DLGAP2: variants seen among roughly 807,000 people sequenced by gnomAD.
DLGAP2 encodes the protein disks large-associated protein 2.
A neutral mutation model predicts 100.3 loss-of-function variants in DLGAP2; 26 were observed. The ratio of observed to expected loss-of-function variants is 0.26; its 90% confidence interval spans 0.19 to 0.36. The LOEUF (loss-of-function observed/expected upper bound fraction) is 0.36. Among genes scored for constraint, DLGAP2 ranks in the 10% least tolerant of loss-of-function variants. The pLI is 1.00. For missense variants in DLGAP2, 1,858 were observed against 1,453.2 expected, an observed-to-expected ratio of 1.28 and a Z score of -4.53; for synonymous variants, 886 against 630.1, an observed-to-expected ratio of 1.41 and a Z score of -6.08.
At chr8:1,071,905 T>C (rs2129037488) in intron 2 of DLGAP2, among the ~76,000 whole-genome samples, 1 of 152,102 alleles carries the variant, frequency 6.6e-6, no homozygotes, top group East Asian at 1.9e-4. Context: ...GGCCTGTGAG[T>C]TTAGGGAACT....
chr8:1,626,791 C>T lies in DLGAP2; in HGVS notation c.1494C>T (p.Asp498=). The part of the protein sequence containing the change: ...ASDVPVGHSL[D]PAANYNSPKF... Reference sequence around the variant, plus strand: ...ATGTGCCTGTGGGACACAGCCTGGACCCCGCTGCGAACTACAACTCCCCGA... The same window carrying T: ...ATGTGCCTGTGGGACACAGCCTGGATCCCGCTGCGAACTACAACTCCCCGA... Residue 498 remains aspartate (D), a synonymous_variant, in exon 7 of 15, where the codon GAC becomes GAT. Transcript: ENST00000637795. The T allele has an allele frequency of 6.2e-7, 1 of 1,603,622 alleles. No homozygotes were observed. Among genetic ancestry groups the T allele is most frequent in the South Asian group, 1.1e-5 (1 of 88,246 alleles).
chr8:1,312,064 C>G (rs1800626136), intron 3 of DLGAP2, among the ~76,000 whole-genome samples: 2 of 152,196 alleles, frequency 1.3e-5, no homozygotes, highest in South Asian at 4.1e-4. Context: ...CTGAATCTGA[C>G]ATCTGTAGGC....
intron 2 of DLGAP2, among the ~76,000 whole-genome samples, chr8:1,030,349 A>G (rs886324874): frequency 6.6e-6 from 1 of 152,092 alleles, no homozygotes; most frequent in Non-Finnish European, 1.5e-5. Flanking sequence ...ATTTTTTTCA[A>G]ATACAGTTCT....
At chr8:1,000,857 G>T (rs542407407) in intron 2 of DLGAP2, among the ~76,000 whole-genome samples, 6 of 152,106 alleles carry the variant, frequency 3.9e-5, no homozygotes, top group East Asian at 1.9e-4. Flanking sequence ...GGACAGGTGT[G>T]GGGGGAGAGG....
chr8:1,478,706 C>A (rs1383962474), intron 3 of DLGAP2, among the ~76,000 whole-genome samples: 1 of 152,152 alleles, frequency 6.6e-6, no homozygotes, highest in Non-Finnish European at 1.5e-5. Flanking sequence ...TAGACCTGGT[C>A]CGGGACATGG....
At chr8:1,231,108 A>G (rs1798525707) in intron 2 of DLGAP2, among the ~76,000 whole-genome samples, 1 of 152,178 alleles carries the variant, frequency 6.6e-6, no homozygotes, top group South Asian at 2.1e-4. Context: ...CTATGGTCTA[A>G]TACACAGAAT....
chr8:824,593 C>T (rs1296116537), intron 1 of DLGAP2, among the ~76,000 whole-genome samples: 1 of 151,952 alleles, frequency 6.6e-6, no homozygotes, highest in African/African-American at 2.4e-5. Context: ...TGGCCCCAGT[C>T]CTGGCTCCGG....
In DLGAP2 at chr8:1,702,916, C is replaced by G. The variant is rs1799612629; in HGVS notation, c.*1510C>G. The G allele has an allele frequency of 6.6e-6, 1 of 152,660 alleles. No homozygotes were observed. Among genetic ancestry groups the G allele is most frequent in the African/African-American group, 2.4e-5 (1 of 41,454 alleles). The allele number at this position is 152,660 out of a possible 1,614,324, so 9.5% of individuals were successfully genotyped here. A position where few individuals can be genotyped will look rare whatever the true frequency, so the allele number is the denominator to read the frequency against. ...GGCTTAAGGAGTACCATGTACTTAG[C>G]CACAGGCAGAATAGCTTTCGATGAC... On this transcript the variant is annotated 3_prime_UTR_variant, in exon 15 of 15. Transcript: ENST00000637795.
At chr8:1,434,429 C>G (rs142409936) in intron 3 of DLGAP2, among the ~76,000 whole-genome samples, 253 of 152,226 alleles carry the variant, frequency 1.7e-3, no homozygotes, top group African/African-American at 5.7e-3. Flanking sequence ...TCCTGCCACA[C>G]CCACCACTGG....
At chr8:926,592 G>T (rs958181035) in intron 2 of DLGAP2, among the ~76,000 whole-genome samples, 7 of 152,258 alleles carry the variant, frequency 4.6e-5, no homozygotes, top group African/African-American at 1.7e-4. Context: ...TGGGAGGAGA[G>T]CGGCAGGTTT....
At chr8:1,538,821 G>T (rs1410158071) in intron 4 of DLGAP2, among the ~76,000 whole-genome samples, 2 of 151,474 alleles carry the variant, frequency 1.3e-5, no homozygotes, top group Non-Finnish European at 2.9e-5. Context: ...TGAATCATCA[G>T]CACAGCACCC....
At chr8:1,426,512 G>C (rs573530873) in intron 3 of DLGAP2, among the ~76,000 whole-genome samples, 2 of 152,284 alleles carry the variant, frequency 1.3e-5, no homozygotes, top group East Asian at 3.9e-4. Flanking sequence ...TGTATCCAGG[G>C]AACAGTGGCT....
chr8:1,564,912 T>C (rs1802335699), intron 5 of DLGAP2, among the ~76,000 whole-genome samples: 1 of 151,986 alleles, frequency 6.6e-6, no homozygotes, highest in African/African-American at 2.4e-5. Flanking sequence ...GGCAGACATA[T>C]AACATGCGTG....
chr8:1,525,550 A>C (rs1800766076), intron 4 of DLGAP2, among the ~76,000 whole-genome samples: 1 of 152,254 alleles, frequency 6.6e-6, no homozygotes, highest in South Asian at 2.1e-4. Flanking sequence ...CTCAGGACTT[A>C]CACAGCAGAA....
chr8:779,459 C>T (rs996349735), intron 1 of DLGAP2, among the ~76,000 whole-genome samples: 1 of 138,322 alleles, frequency 7.2e-6, no homozygotes, highest in East Asian at 3.3e-4. Flanking sequence ...CTTTTCCCTT[C>T]TTTCTTTCTT....
intron 2 of DLGAP2, among the ~76,000 whole-genome samples, chr8:1,162,846 G>C (rs1796918129): frequency 6.6e-6 from 1 of 152,208 alleles, no homozygotes. Flanking sequence ...TGCTGCTGTG[G>C]GCAGATGCTA....
intron 1 of DLGAP2, among the ~76,000 whole-genome samples, chr8:904,492 C>T (rs140134190): frequency 5.9e-5 from 9 of 152,292 alleles, no homozygotes; most frequent in Non-Finnish European, 1.3e-4. Flanking sequence ...TGCACTCCAG[C>T]CTGGGCGATA....
chr8:1,691,646 A>AC lies in DLGAP2; in HGVS notation c.2796+24dup. On this transcript the variant is annotated intron_variant, in intron 13 of 14. Transcript: ENST00000637795. ...AATATGGTAAGTGAATCCTCAGTGA[A>AC]CCCCTGTTCCCTGTAACCAAGCTAA... The AC allele has an allele frequency of 6.3e-7, 1 of 1,596,684 alleles. No individual in the cohort carries two copies. Among genetic ancestry groups the AC allele is most frequent in the Non-Finnish European group, 8.6e-7 (1 of 1,166,504 alleles).
intron 2 of DLGAP2, among the ~76,000 whole-genome samples, chr8:1,005,048 C>T (rs1019837700): frequency 1.3e-5 from 2 of 152,140 alleles, no homozygotes; most frequent in African/African-American, 4.8e-5. Flanking sequence ...GAGTGAAGAG[C>T]ACACAGAAAC....
Sources: allele counts gnomAD v4.1 joint callset (sites outside exome capture counted in the v4.1 genomes callset), GRCh38; gene constraint gnomAD v4.1.1; transcripts MANE v1.5; gene names NCBI Gene and HGNC (gene_info 2026-07-23, HGNC 2026-07-21).